CCSER1: variants seen among roughly 807,000 people sequenced by gnomAD.
CCSER1 encodes serine-rich coiled-coil domain-containing protein 1.
In CCSER1, 41 loss-of-function variants were observed where a neutral mutation model predicts 82.0. That is an observed-to-expected ratio of 0.50 (90% CI 0.39 to 0.65). The LOEUF (loss-of-function observed/expected upper bound fraction) is 0.65, where lower values mean the gene tolerates loss of function less well. Ranked by LOEUF, CCSER1 falls within the 30% of genes least tolerant of loss-of-function variation. The probability of loss-of-function intolerance (pLI) is 0.00; values close to 1 mark genes in which losing one functional copy is unlikely to be tolerated. For missense variants in CCSER1, 1,119 were observed against 1,064.2 expected (o/e 1.05, Z -0.72); for synonymous variants, 414 against 383.9 (o/e 1.08, Z -0.92).
intron 10 of CCSER1, among the ~76,000 whole-genome samples, chr4:91,206,158 AT>A (rs1300047902): frequency 6.6e-6 from 1 of 151,926 alleles, no homozygotes. Flanking sequence ...AGCATTGTCC[AT>A]TGAATAAATA....
intron 1 of CCSER1, among the ~76,000 whole-genome samples, chr4:90,215,878 AG>A (rs1392169008): frequency 1.3e-5 from 2 of 152,140 alleles, no homozygotes; most frequent in African/African-American, 4.8e-5. Context: ...AGAGAAGGGC[AG>A]GGGCGAGGTG....
intron 6 of CCSER1, among the ~76,000 whole-genome samples, chr4:90,634,775 C>G (rs1725119802): frequency 6.6e-6 from 1 of 151,786 alleles, no homozygotes; most frequent in Admixed American, 6.6e-5. Context: ...TCAGAATTCT[C>G]TTTATACTTA....
chr4:91,587,520 A>ACACAG (rs1377217733), intron 10 of CCSER1, among the ~76,000 whole-genome samples: 1 of 151,754 alleles, frequency 6.6e-6, no homozygotes, highest in East Asian at 1.9e-4. Context: ...TTTCTCAGTA[A>ACACAG]CACAGCACAA....
intron 1 of CCSER1, among the ~76,000 whole-genome samples, chr4:90,182,877 T>C (rs1432252385): frequency 6.6e-6 from 1 of 152,022 alleles, no homozygotes; most frequent in Non-Finnish European, 1.5e-5. Context: ...GTATTACCTT[T>C]ATTTTTTTAC....
rs12646910 is a variant in CCSER1 at position 91,572,810 on chromosome 4, A to T, written c.2218-25762A>T. 4.9e-3 allele frequency among the ~76,000 whole-genome samples: 568 copies of T among 116,546 alleles called. 2 individuals are homozygous for T. Among genetic ancestry groups the T allele is most frequent in the African/African-American group, 0.017 (513 of 29,976 alleles). 76.5% of individuals were successfully genotyped at this position (116,546 alleles called of 152,430 possible). A position where few individuals can be genotyped will look rare whatever the true frequency, so the allele number is the denominator to read the frequency against. Reference sequence around the variant, plus strand: ...AACCCTGTCTCTACTAAAAATCTATAAAAAAAAAAAAAAAAGAAGAAGCCT... The same window carrying T: ...AACCCTGTCTCTACTAAAAATCTATTAAAAAAAAAAAAAAAGAAGAAGCCT... On this transcript the variant is annotated intron_variant, in intron 10 of 10. Coordinates refer to ENST00000509176, the MANE Select transcript of CCSER1 (RefSeq NM_001145065.2).
chr4:90,862,059 A>G (rs1362013309), intron 8 of CCSER1, among the ~76,000 whole-genome samples: 5 of 151,530 alleles, frequency 3.3e-5, no homozygotes, highest in Non-Finnish European at 7.4e-5. Flanking sequence ...CATTTTTCAC[A>G]GACTAAGAAT....
At chr4:90,785,576 TAC>T (rs1401475505) in intron 7 of CCSER1, among the ~76,000 whole-genome samples, 1 of 152,168 alleles carries the variant, frequency 6.6e-6, no homozygotes, top group African/African-American at 2.4e-5. Context: ...TTCTGAAAAA[TAC>T]AGTTTCTATG....
chr4:90,378,788 G>T (rs920442958), intron 3 of CCSER1, among the ~76,000 whole-genome samples: 4 of 152,258 alleles, frequency 2.6e-5, no homozygotes, highest in Middle Eastern at 6.8e-3. Context: ...TTATAAATGT[G>T]CAGATACCCT....
chr4:90,880,033 T>A (rs1721061325), intron 8 of CCSER1, among the ~76,000 whole-genome samples: 1 of 152,174 alleles, frequency 6.6e-6, no homozygotes, highest in African/African-American at 2.4e-5. Flanking sequence ...TGTGATCCAG[T>A]AGGTGGCACT....
At chr4:91,083,947 T>G (rs572337523) in intron 9 of CCSER1, among the ~76,000 whole-genome samples, 1 of 152,276 alleles carries the variant, frequency 6.6e-6, no homozygotes, top group South Asian at 2.1e-4. Flanking sequence ...TTTAAAGATG[T>G]AAGGCCAATG....
At chr4:90,455,054 C>T (rs1578550437) in intron 4 of CCSER1, among the ~76,000 whole-genome samples, 2 of 152,276 alleles carry the variant, frequency 1.3e-5, no homozygotes, top group Admixed American at 6.5e-5. Flanking sequence ...CCTGGGATTG[C>T]CCCTTGCAGC....
chr4:90,305,623 C>G (rs1318076147), intron 1 of CCSER1, among the ~76,000 whole-genome samples: 3 of 152,120 alleles, frequency 2.0e-5, no homozygotes, highest in Non-Finnish European at 4.4e-5. Flanking sequence ...AGGTTTTCTT[C>G]AAGCAAAGCC....
intron 9 of CCSER1, among the ~76,000 whole-genome samples, chr4:91,070,043 G>A (rs1721265029): frequency 6.6e-6 from 1 of 150,778 alleles, no homozygotes; most frequent in African/African-American, 2.4e-5. Flanking sequence ...GGAGTGCAGT[G>A]GTGCCATCTC....
At chr4:91,145,980 G>C (rs943038221) in intron 10 of CCSER1, among the ~76,000 whole-genome samples, 1 of 152,038 alleles carries the variant, frequency 6.6e-6, no homozygotes, top group East Asian at 1.9e-4. Flanking sequence ...TGAATTTCTT[G>C]AATTTGCATG....
rs184073650 is a variant in CCSER1, at chr4:91,178,241, G to T, written c.2217+92247G>T. ...GTGCTTTACCTCCAACTATGTGGTCGGTTTTGGAATAGGTGTGGTGTGGTG... is the reference window on the plus strand; with the variant it reads ...GTGCTTTACCTCCAACTATGTGGTCTGTTTTGGAATAGGTGTGGTGTGGTG... On this transcript the variant is annotated intron_variant, in intron 10 of 10. Coordinates refer to ENST00000509176, the MANE Select transcript of CCSER1 (RefSeq NM_001145065.2). Among the ~76,000 whole-genome samples the T allele has an allele frequency of 2.0e-3, 307 of 152,136 alleles. 3 individuals are homozygous for T. The highest frequency in any genetic ancestry group is 6.8e-3 in the African/African-American group (283 of 41,508).
At chr4:91,556,832 T>A (rs1264144671) in intron 10 of CCSER1, among the ~76,000 whole-genome samples, 1 of 151,194 alleles carries the variant, frequency 6.6e-6, no homozygotes, top group African/African-American at 2.4e-5. Context: ...AATTATTGAT[T>A]TCTTTGAATG....
intron 10 of CCSER1, among the ~76,000 whole-genome samples, chr4:91,486,609 A>C (rs1758233516): frequency 6.6e-6 from 1 of 152,138 alleles, no homozygotes; most frequent in Non-Finnish European, 1.5e-5. Context: ...TATTTTGAAA[A>C]ATAAAAATAA....
chr4:91,140,336 T>A (rs141048913), intron 10 of CCSER1, among the ~76,000 whole-genome samples: 342 of 152,058 alleles, frequency 2.2e-3, no homozygotes, highest in Non-Finnish European at 3.6e-3. Context: ...TATATTTTAC[T>A]TTTAAGATAT....
At position 90,979,759 on chromosome 4, in the gene CCSER1, G is replaced by A. The variant is rs968467674; in HGVS notation, c.2172+56312G>A. Among the ~76,000 whole-genome samples the A allele has an allele frequency of 5.3e-5, 8 of 151,778 alleles. No individual in the cohort carries two copies. The East Asian group carries it at 5.8e-4, about 11-fold the overall frequency. On this transcript the variant is annotated intron_variant, in intron 9 of 10. Coordinates refer to ENST00000509176, the MANE Select transcript of CCSER1 (RefSeq NM_001145065.2). ...CTATTTGTCTGGTGATTAATCGACCGCGATGAATAGAGCTCCATTTCACGT... is the reference window on the plus strand; with the variant it reads ...CTATTTGTCTGGTGATTAATCGACCACGATGAATAGAGCTCCATTTCACGT...
Sources: allele counts gnomAD v4.1 joint callset (sites outside exome capture counted in the v4.1 genomes callset), GRCh38; gene constraint gnomAD v4.1.1; transcripts MANE v1.5; gene names NCBI Gene and HGNC (gene_info 2026-07-23, HGNC 2026-07-21).